Variants in INPP4B observed in about 807,000 individuals in gnomAD.
INPP4B encodes the protein inositol polyphosphate-4-phosphatase type II B, also known as inositol polyphosphate 4-phosphatase type II.
A neutral mutation model predicts 122.5 loss-of-function variants in INPP4B; 55 were observed. That is an observed-to-expected ratio of 0.45 (90% CI 0.36 to 0.56). The LOEUF (loss-of-function observed/expected upper bound fraction) is 0.56. INPP4B is among the 20% of genes least tolerant of loss of function. The pLI, the probability that INPP4B is intolerant of heterozygous loss-of-function variation, is 0.00. For missense variants in INPP4B, 1,000 were observed against 1,097.7 expected (o/e 0.91, Z 1.26); for synonymous variants, 403 against 388.7 (o/e 1.04, Z -0.43).
intron 25 of INPP4B, among the ~76,000 whole-genome samples, chr4:142,052,049 C>T (rs1006216804): frequency 2.0e-5 from 3 of 151,922 alleles, no homozygotes; most frequent in Non-Finnish European, 4.4e-5. Flanking sequence ...TATAAAATGA[C>T]ACATTAGACT....
At chr4:142,273,292 C>T (rs1407668614) in intron 9 of INPP4B, among the ~76,000 whole-genome samples, 1 of 151,756 alleles carries the variant, frequency 6.6e-6, no homozygotes, top group African/African-American at 2.4e-5. Flanking sequence ...AGAATTGCTA[C>T]TTTTATTAAT....
chr4:142,207,171 C>T (rs540758184), intron 14 of INPP4B, among the ~76,000 whole-genome samples: 1 of 152,206 alleles, frequency 6.6e-6, no homozygotes, highest in South Asian at 2.1e-4. Flanking sequence ...AATCTTTGTA[C>T]ATAACACAAT....
At chr4:142,091,507 C>T (rs28454477) in intron 23 of INPP4B, among the ~76,000 whole-genome samples, 38,086 of 152,044 alleles carry the variant, frequency 0.25, 4,817 homozygotes, top group East Asian at 0.3. Flanking sequence ...AAAGAGTTCA[C>T]AGCCTCAGAG....
intron 2 of INPP4B, among the ~76,000 whole-genome samples, chr4:142,489,806 T>C (rs1361445267): frequency 6.6e-6 from 1 of 152,168 alleles, no homozygotes; most frequent in Non-Finnish European, 1.5e-5. Context: ...ATTTTTAAGC[T>C]TTGTTATTAG....
chr4:142,411,679 G>T (rs190263804), intron 5 of INPP4B, among the ~76,000 whole-genome samples: 3 of 152,146 alleles, frequency 2.0e-5, no homozygotes, highest in Non-Finnish European at 2.9e-5. Context: ...ATCACTTGAG[G>T]TCAGAAGTTT....
At chr4:142,728,779 G>A (rs771775900) in intron 1 of INPP4B, among the ~76,000 whole-genome samples, 1 of 152,078 alleles carries the variant, frequency 6.6e-6, no homozygotes, top group Non-Finnish European at 1.5e-5. Context: ...GGGCCCTGCC[G>A]ACATGTTGAT....
chr4:142,597,201 CT>C (rs1289505498), intron 2 of INPP4B, among the ~76,000 whole-genome samples: 1 of 152,146 alleles, frequency 6.6e-6, no homozygotes, highest in African/African-American at 2.4e-5. Flanking sequence ...GTAGGAGTTC[CT>C]GTTTATTATT....
intron 1 of INPP4B, among the ~76,000 whole-genome samples, chr4:142,778,014 G>A (rs905356392): frequency 3.3e-5 from 5 of 152,130 alleles, no homozygotes; most frequent in Non-Finnish European, 5.9e-5. Context: ...ATCTAAGAAC[G>A]TGGCCTTGTG....
At chr4:142,076,886 T>C (rs964060902) in intron 25 of INPP4B, among the ~76,000 whole-genome samples, 2 of 151,686 alleles carry the variant, frequency 1.3e-5, no homozygotes, top group Admixed American at 1.3e-4. Flanking sequence ...AAGAAAAAAA[T>C]AAGCTCAAGT....
At chr4:142,837,675 C>G (rs932465292) in intron 1 of INPP4B, among the ~76,000 whole-genome samples, 1 of 151,898 alleles carries the variant, frequency 6.6e-6, no homozygotes, top group African/African-American at 2.4e-5. Context: ...AAAAAAAATC[C>G]CTCAATACTG....
intron 7 of INPP4B, among the ~76,000 whole-genome samples, chr4:142,336,178 G>C (rs1449619516): frequency 6.6e-6 from 1 of 152,164 alleles, no homozygotes; most frequent in Non-Finnish European, 1.5e-5. Context: ...ATTCTTCTCT[G>C]CCTTGCTCAC....
chr4:142,127,090 T>A (rs573485719), intron 18 of INPP4B, among the ~76,000 whole-genome samples: 1 of 152,288 alleles, frequency 6.6e-6, no homozygotes, highest in African/African-American at 2.4e-5. Flanking sequence ...GTGGCGCTGC[T>A]TAATCAGGCT....
chr4:142,046,661 C>G (rs1751637779), intron 25 of INPP4B, among the ~76,000 whole-genome samples: 1 of 152,028 alleles, frequency 6.6e-6, no homozygotes. Flanking sequence ...GCAGAGGCCC[C>G]TAAATTCTAG....
intron 1 of INPP4B, among the ~76,000 whole-genome samples, chr4:142,824,298 A>T (rs1226124897): frequency 7.6e-6 from 1 of 130,892 alleles, no homozygotes; most frequent in African/African-American, 3.5e-5. Context: ...CCTATCTATT[A>T]TCTATCTGTC....
intron 1 of INPP4B, among the ~76,000 whole-genome samples, chr4:142,728,759 G>T (rs544147527): frequency 2.4e-4 from 36 of 152,198 alleles, no homozygotes; most frequent in African/African-American, 8.4e-4. Context: ...TAGAGCCTCC[G>T]GAGAGAGCAG....
chr4:142,467,351 G>A (rs1817976015), intron 2 of INPP4B, among the ~76,000 whole-genome samples: 1 of 152,224 alleles, frequency 6.6e-6, no homozygotes, highest in African/African-American at 2.4e-5. Flanking sequence ...ACACCAGGAT[G>A]TGGGACATGA....
chr4:142,845,421 G>C (rs1485987393), intron 1 of INPP4B, among the ~76,000 whole-genome samples: 1 of 152,164 alleles, frequency 6.6e-6, no homozygotes, highest in Non-Finnish European at 1.5e-5. Flanking sequence ...CAGAGAGCTT[G>C]AGGAGCCTGC....
chr4:142,341,882 T>C (rs1778816185), intron 7 of INPP4B, among the ~76,000 whole-genome samples: 1 of 152,082 alleles, frequency 6.6e-6, no homozygotes, highest in Admixed American at 6.6e-5. Context: ...AGCTGAATCT[T>C]GCCAATAAGG....
intron 3 of INPP4B, among the ~76,000 whole-genome samples, chr4:142,438,330 C>T (rs1270470255): frequency 1.3e-5 from 2 of 152,178 alleles, no homozygotes; most frequent in African/African-American, 4.8e-5. Flanking sequence ...ACCAAAACAG[C>T]ATGGTACTGT....
Sources: allele counts gnomAD v4.1 joint callset (sites outside exome capture counted in the v4.1 genomes callset), GRCh38; gene constraint gnomAD v4.1.1; transcripts MANE v1.5; gene names NCBI Gene and HGNC (gene_info 2026-07-23, HGNC 2026-07-21).